The following STXBP5 variants were observed in gnomAD, a reference collection of about 807,000 sequenced individuals.
STXBP5 encodes syntaxin-binding protein 5.
Under a neutral mutation model 152.4 loss-of-function variants are expected in STXBP5, and 50 were observed. That is an observed-to-expected ratio of 0.33 (90% CI 0.26 to 0.42). The LOEUF is 0.42. STXBP5 is among the 10% of genes least tolerant of loss of function. The pLI, the probability that STXBP5 is intolerant of heterozygous loss-of-function variation, is 1.00. For synonymous variants in STXBP5, 492 were observed against 494.7 expected, an observed-to-expected ratio of 0.99 and a Z score of 0.07; for missense variants, 1,167 against 1,388.6, an observed-to-expected ratio of 0.84 and a Z score of 2.54.
rs143407575 is a variant in STXBP5, at chr6:147,337,931, C to T, written c.2147-1248C>T. ...TCTGCCAATGCTGGCAGGTTTTACT[C>T]GGTCAGAGAAAAGCTGTCAAGGACA... On this transcript the variant is annotated intron_variant, in intron 19 of 27. Transcript: ENST00000321680. Among the ~76,000 whole-genome samples the T allele has an allele frequency of 1.1e-3, 160 of 152,116 alleles. 1 individual carries two copies. The highest frequency in any genetic ancestry group is 3.5e-3 in the African/African-American group (144 of 41,538).
At chr6:147,365,674 C>A (rs1785258471) in intron 25 of STXBP5, among the ~76,000 whole-genome samples, 1 of 152,122 alleles carries the variant, frequency 6.6e-6, no homozygotes, top group Non-Finnish European at 1.5e-5. Flanking sequence ...AAAATGTTTT[C>A]TTTGGGCAAT....
At chr6:147,270,126 C>T (rs1285325645) in intron 7 of STXBP5, among the ~76,000 whole-genome samples, 18 of 152,076 alleles carry the variant, frequency 1.2e-4, no homozygotes, top group Admixed American at 5.9e-4. Flanking sequence ...AGGCCGGGTG[C>T]GGTGGCTCAT....
chr6:147,244,911 G>GT (rs1282145554), intron 4 of STXBP5, among the ~76,000 whole-genome samples: 1 of 147,958 alleles, frequency 6.8e-6, no homozygotes, highest in Middle Eastern at 3.3e-3. Context: ...TTTATCTTTG[G>GT]TTTTTAGCAC....
At chr6:147,314,432 T>G in intron 13 of STXBP5, 101 bp downstream of exon 13, 1 of 1,309,784 alleles carries the variant, frequency 7.6e-7, no homozygotes. Context: ...GAGCTTTCCT[T>G]TATGTCGTAA....
chr6:147,220,604 G>A (rs1582801939), intron 2 of STXBP5, among the ~76,000 whole-genome samples: 1 of 152,120 alleles, frequency 6.6e-6, no homozygotes, highest in Admixed American at 6.5e-5. Context: ...TTGGAGAATT[G>A]ACTCTTTTTT....
intron 8 of STXBP5, among the ~76,000 whole-genome samples, chr6:147,278,672 A>G (rs921440612): frequency 6.6e-5 from 10 of 152,168 alleles, no homozygotes; most frequent in Admixed American, 2.6e-4. Context: ...ATGATTCACT[A>G]GGAAGACTCA....
Position 147,363,462 on chromosome 6 carries a change from G to A in STXBP5, c.2673G>A (p.Glu891=), listed in dbSNP as rs750401755. 3 of 1,614,088 alleles carry A rather than the reference G, an allele frequency of 1.9e-6. No individual in the cohort carries two copies. The highest frequency in any genetic ancestry group is 2.5e-6 in the Non-Finnish European group (3 of 1,180,018). Residue 891 remains glutamate (E), a synonymous_variant, in exon 24 of 28, where the codon GAG becomes GAA. Transcript: ENST00000321680. Reference sequence around the variant, plus strand: ...TTCCTGAAGAAAAAGACGAAAAGGAGAAATTGAAAAAACGGCGGCCTGTCT... The same window carrying A: ...TTCCTGAAGAAAAAGACGAAAAGGAAAAATTGAAAAAACGGCGGCCTGTCT... The part of the protein sequence containing the change: ...HNVPEEKDEK[E]KLKKRRPVSV...
chr6:147,325,582 A>G (rs1783208846), intron 17 of STXBP5, among the ~76,000 whole-genome samples: 1 of 152,216 alleles, frequency 6.6e-6, no homozygotes, highest in South Asian at 2.1e-4. Context: ...TCATGCCTTC[A>G]GCCATATAGT....
intron 9 of STXBP5, among the ~76,000 whole-genome samples, chr6:147,298,515 A>G (rs1023037168): frequency 2.0e-5 from 3 of 152,084 alleles, no homozygotes; most frequent in Non-Finnish European, 4.4e-5. Flanking sequence ...ATTCCATCCA[A>G]TAGCTGCAGA....
intron 19 of STXBP5, among the ~76,000 whole-genome samples, chr6:147,337,190 T>TAAACACACACACACACACAC (rs1313465404): frequency 1.4e-3 from 53 of 38,590 alleles, no homozygotes; most frequent in African/African-American, 0.01. Context: ...TACACATACA[T>TAAACACACACACACACACAC]AGACACACAC....
intron 4 of STXBP5, among the ~76,000 whole-genome samples, chr6:147,252,004 A>AAC (rs1779121209): frequency 6.6e-6 from 1 of 152,186 alleles, no homozygotes; most frequent in South Asian, 2.1e-4. Context: ...TTAGAAGGAA[A>AAC]ACTAACAAAC....
rs530421290 is a variant in STXBP5 at position 147,300,765 on chromosome 6, C to T, written c.918-9319C>T. ...TGGGCAAAGATTTTTTTGGATAGAA[C>T]CTCAAAAGTGTAGGCAACAAAAGCC... is the stretch of plus-strand genomic sequence containing the variant. On this transcript the variant is annotated intron_variant, in intron 9 of 27. Coordinates refer to ENST00000321680, the MANE Select transcript of STXBP5 (RefSeq NM_001127715.4). 3.0e-3 allele frequency among the ~76,000 whole-genome samples: 456 copies of T among 151,884 alleles called. 2 individuals carry two copies. The highest frequency in any genetic ancestry group is 5.3e-3 in the Non-Finnish European group (363 of 67,870).
At chr6:147,311,701 G>A (rs1274805547) in intron 11 of STXBP5, among the ~76,000 whole-genome samples, 174 bp downstream of exon 11, 1 of 151,988 alleles carries the variant, frequency 6.6e-6, no homozygotes, top group East Asian at 1.9e-4. Flanking sequence ...TCTCTATTAT[G>A]TTGAATCTCA....
chr6:147,358,982 T>G, intron 22 of STXBP5, 102 bp from the exon 23 acceptor site: 2 of 1,348,656 alleles, frequency 1.5e-6, no homozygotes, highest in Non-Finnish European at 2.0e-6. Flanking sequence ...GTAGGTTTTG[T>G]CTTCTTGCAG....
chr6:147,364,823 G>A (rs1176697897), intron 25 of STXBP5, among the ~76,000 whole-genome samples: 2 of 152,100 alleles, frequency 1.3e-5, no homozygotes, highest in African/African-American at 4.8e-5. Flanking sequence ...ACTATCTAGA[G>A]GAACTTTATA....
In STXBP5 at chr6:147,299,430, CA is replaced by C. The variant is rs1347958407; in HGVS notation, c.917+8261del. Among the ~76,000 whole-genome samples the C allele has an allele frequency of 2.6e-5, 4 of 151,962 alleles. No individual in the cohort carries two copies. The East Asian group carries it at 7.7e-4, about 29-fold the overall frequency. ...TCAGTGCTGAGTTTTAGTAAACATA[CA>C]AAGAAGAATATCAGTCTACCTCAAA... On this transcript the variant is annotated intron_variant, in intron 9 of 27. Transcript: ENST00000321680.
At chr6:147,381,476 T>C (rs1460394294) in intron 26 of STXBP5, among the ~76,000 whole-genome samples, 1 of 152,050 alleles carries the variant, frequency 6.6e-6, no homozygotes, top group Non-Finnish European at 1.5e-5. Flanking sequence ...AAACTGATGG[T>C]TCCTCAAAAA....
chr6:147,352,697 G>T (rs1251487819), intron 21 of STXBP5, among the ~76,000 whole-genome samples: 5 of 152,078 alleles, frequency 3.3e-5, no homozygotes, highest in African/African-American at 1.2e-4. Flanking sequence ...TTAGTCTTAG[G>T]CCTCTATTCT....
intron 14 of STXBP5, 89 bp downstream of exon 14, chr6:147,314,725 T>C (rs1336324403): frequency 1.0e-6 from 1 of 976,590 alleles, no homozygotes; most frequent in African/African-American, 1.7e-5. Context: ...ATAACCAATA[T>C]TTAATTTGAA....
Sources: allele counts gnomAD v4.1 joint callset (sites outside exome capture counted in the v4.1 genomes callset), GRCh38; gene constraint gnomAD v4.1.1; transcripts MANE v1.5; gene names NCBI Gene and HGNC (gene_info 2026-07-23, HGNC 2026-07-21).